Variants in CERS6 observed in about 807,000 individuals in gnomAD.
CERS6 encodes ceramide synthase 6.
In CERS6, 26 loss-of-function variants were observed where a neutral mutation model predicts 56.8. That is an observed-to-expected ratio of 0.46 (90% confidence interval 0.34 to 0.63). CERS6 has a LOEUF of 0.63. Ranked by LOEUF, CERS6 falls within the 30% of genes least tolerant of loss-of-function variation. The pLI is 0.01. For synonymous variants in CERS6, 164 were observed against 173.3 expected (o/e 0.95, Z 0.42); for missense variants, 415 against 467.5 (o/e 0.89, Z 1.04).
At chr2:168,692,646 T>C (rs1175682652) in intron 5 of CERS6, among the ~76,000 whole-genome samples, 1 of 152,146 alleles carries the variant, frequency 6.6e-6, no homozygotes, top group Non-Finnish European at 1.5e-5. Flanking sequence ...GTCTTCTGTA[T>C]GATTCAGCAT....
At chr2:168,613,311 A>G (rs748885778) in intron 3 of CERS6, among the ~76,000 whole-genome samples, 1 of 152,194 alleles carries the variant, frequency 6.6e-6, no homozygotes, top group Non-Finnish European at 1.5e-5. Flanking sequence ...GTGATTGCCC[A>G]GCATACAGGG....
intron 6 of CERS6, among the ~76,000 whole-genome samples, chr2:168,703,654 A>C (rs2105375240): frequency 6.6e-6 from 1 of 152,260 alleles, no homozygotes; most frequent in Non-Finnish European, 1.5e-5. Context: ...ATCACACCAG[A>C]TGACATCGGA....
At chr2:168,744,767 C>G (rs1684050876) in intron 8 of CERS6, among the ~76,000 whole-genome samples, 1 of 152,136 alleles carries the variant, frequency 6.6e-6, no homozygotes, top group South Asian at 2.1e-4. Context: ...AGGAATGGAT[C>G]AACAGAAAGT....
At chr2:168,483,499 C>G (rs1285966646) in intron 1 of CERS6, among the ~76,000 whole-genome samples, 1 of 152,150 alleles carries the variant, frequency 6.6e-6, no homozygotes, top group Non-Finnish European at 1.5e-5. Context: ...ACCGAGAAAA[C>G]AGACTTGGTT....
At chr2:168,479,586 A>T (rs1694140132) in intron 1 of CERS6, among the ~76,000 whole-genome samples, 1 of 152,082 alleles carries the variant, frequency 6.6e-6, no homozygotes, top group Non-Finnish European at 1.5e-5. Flanking sequence ...CAAGCCTGAG[A>T]TGTTAAATAC....
chr2:168,734,737 G>A (rs6708434), intron 8 of CERS6, among the ~76,000 whole-genome samples: 14,293 of 152,170 alleles, frequency 0.094, 902 homozygotes, highest in African/African-American at 0.18. Flanking sequence ...CTTAGCAATG[G>A]GACAAAAACA....
intron 4 of CERS6, among the ~76,000 whole-genome samples, chr2:168,675,351 G>C (rs112162297): frequency 6.6e-6 from 1 of 152,066 alleles, no homozygotes; most frequent in Non-Finnish European, 1.5e-5. Flanking sequence ...TTGGGAGGCC[G>C]AGGCAGTTAA....
intron 3 of CERS6, among the ~76,000 whole-genome samples, chr2:168,575,681 CCTT>C (rs1195217967): frequency 1.3e-5 from 2 of 152,032 alleles, no homozygotes; most frequent in Non-Finnish European, 2.9e-5. Context: ...CAAAGAAGGG[CCTT>C]CTCTGTGTGG....
intron 1 of CERS6, among the ~76,000 whole-genome samples, chr2:168,506,920 T>C (rs559287104): frequency 3.9e-5 from 6 of 152,340 alleles, no homozygotes; most frequent in African/African-American, 1.4e-4. Context: ...GATTAATTTT[T>C]AAAATGATTT....
At chr2:168,467,871 G>T (rs531586279) in intron 1 of CERS6, among the ~76,000 whole-genome samples, 1 of 152,094 alleles carries the variant, frequency 6.6e-6, no homozygotes, top group Non-Finnish European at 1.5e-5. Flanking sequence ...GTATATGTGT[G>T]GGGGGGCCCA....
At chr2:168,744,195 C>T (rs568224113) in intron 8 of CERS6, among the ~76,000 whole-genome samples, 23 of 151,626 alleles carry the variant, frequency 1.5e-4, no homozygotes, top group African/African-American at 2.7e-4. Context: ...TTAGTAGAGA[C>T]GGGGTTTCAC....
chr2:168,590,486 T>C lies in CERS6; in HGVS notation c.407+29164T>C, dbSNP rs1236997092. Among the ~76,000 whole-genome samples the C allele has an allele frequency of 2.0e-5, 3 of 152,180 alleles. No homozygotes were observed. In the East Asian group the frequency reaches 5.8e-4, roughly 29 times the overall value. On this transcript the variant is annotated intron_variant, in intron 3 of 9. Coordinates refer to ENST00000305747, the MANE Select transcript of CERS6 (RefSeq NM_203463.3). ...GTCAGGGACATGATATTCCTGTTAA[T>C]GTAAGCCACTTGGAAGTGAAGTTTC... is the stretch of plus-strand genomic sequence containing the variant.
rs556252862 is a variant in CERS6, at chr2:168,759,646, C to T, written c.846-5946C>T. Among the ~76,000 whole-genome samples the T allele has an allele frequency of 4.6e-5, 7 of 152,310 alleles. No individual in the cohort carries two copies. The East Asian group carries it at 1.3e-3, about 29-fold the overall frequency. ...TTAATTTGGCCATGCCCTGTACTTACTTTAGCTCATTCTTACCTTTTATGG... is the reference window on the plus strand; with the variant it reads ...TTAATTTGGCCATGCCCTGTACTTATTTTAGCTCATTCTTACCTTTTATGG... On this transcript the variant is annotated intron_variant, in intron 8 of 9. Coordinates refer to ENST00000305747, the MANE Select transcript of CERS6 (RefSeq NM_203463.3).
intron 3 of CERS6, among the ~76,000 whole-genome samples, chr2:168,605,115 G>C (rs1199735518): frequency 6.6e-6 from 1 of 152,210 alleles, no homozygotes; most frequent in Non-Finnish European, 1.5e-5. Flanking sequence ...TCCAAATGCT[G>C]ATAGTGATAT....
chr2:168,456,684 G>A lies in CERS6; in HGVS notation c.170+66G>A, dbSNP rs1334586871. The stretch of plus-strand genomic sequence containing the variant: ...CACACACGCGCGCACACACTCGCGC[G>A]CTCTCTGGCGCACGCCCCCGCGCCC... On this transcript the variant is annotated intron_variant, in intron 1 of 9. Transcript: ENST00000305747. This position sits in a 1 kb window ranked among gnomAD's most constrained non-coding sequence, Gnocchi z 4.1. 2 of 1,496,020 alleles carry A rather than the reference G, an allele frequency of 1.3e-6. No homozygotes were observed. The highest frequency in any genetic ancestry group is 1.8e-6 in the Non-Finnish European group (2 of 1,097,216). The allele number at this position is 1,496,020 out of a possible 1,614,324, so 92.7% of individuals were successfully genotyped here.
intron 1 of CERS6, among the ~76,000 whole-genome samples, chr2:168,533,054 G>GTTA: frequency 6.6e-6 from 1 of 152,234 alleles, no homozygotes; most frequent in East Asian, 1.9e-4. Flanking sequence ...ACCCTAAAAG[G>GTTA]TTATTGCCTT....
chr2:168,511,982 G>A lies in CERS6; in HGVS notation c.171-35614G>A, dbSNP rs1694796207. On this transcript the variant is annotated intron_variant, in intron 1 of 9. Transcript: ENST00000305747. Reference sequence around the variant, plus strand: ...CACACACACACACACACACACACAGGAATATCATTCAACCTTAAAAAGGAA... The same window carrying A: ...CACACACACACACACACACACACAGAAATATCATTCAACCTTAAAAAGGAA... Among the ~76,000 whole-genome samples the A allele has an allele frequency of 5.4e-5, 8 of 148,070 alleles. No homozygotes were observed. In the South Asian group the frequency reaches 1.7e-3, roughly 32 times the overall value.
intron 4 of CERS6, among the ~76,000 whole-genome samples, chr2:168,675,311 A>T (rs906522092): frequency 6.6e-6 from 1 of 151,846 alleles, no homozygotes; most frequent in African/African-American, 2.4e-5. Flanking sequence ...TAGGCCGGGC[A>T]TAGTGACTCA....
chr2:168,471,660 C>T (rs573062014), intron 1 of CERS6, among the ~76,000 whole-genome samples: 10 of 152,292 alleles, frequency 6.6e-5, no homozygotes, highest in South Asian at 6.2e-4. Context: ...CCGCTCTCTC[C>T]GTCAATCGCC....
Sources: allele counts gnomAD v4.1 joint callset (sites outside exome capture counted in the v4.1 genomes callset), GRCh38; gene constraint gnomAD v4.1.1; non-coding constraint Gnocchi (gnomAD v3.1); transcripts MANE v1.5; gene names NCBI Gene and HGNC (gene_info 2026-07-23, HGNC 2026-07-21).